The following CDK14 variants were observed in gnomAD, a reference collection of about 807,000 sequenced individuals.
CDK14 encodes cyclin dependent kinase 14.
In CDK14, 34 loss-of-function variants were observed where a neutral mutation model predicts 60.7. That is an observed-to-expected ratio of 0.56 (90% confidence interval 0.43 to 0.75). The LOEUF is 0.75. Ranked by LOEUF, CDK14 falls within the 30% of genes least tolerant of loss-of-function variation. The pLI, the probability that CDK14 is intolerant of heterozygous loss-of-function variation, is 0.00. For missense variants in CDK14, 482 were observed against 564.1 expected (o/e 0.85, Z 1.47); for synonymous variants, 197 against 203.7 (o/e 0.97, Z 0.28).
intron 3 of CDK14, among the ~76,000 whole-genome samples, chr7:90,728,449 C>T (rs550016448): frequency 1.3e-5 from 2 of 151,476 alleles, no homozygotes; most frequent in South Asian, 4.2e-4. Flanking sequence ...TAATTTTTAA[C>T]CCTTCAATTG....
intron 13 of CDK14, among the ~76,000 whole-genome samples, chr7:91,117,576 C>G (rs1490229315): frequency 6.6e-6 from 1 of 152,100 alleles, no homozygotes; most frequent in Non-Finnish European, 1.5e-5. Context: ...TTTCTCTTCT[C>G]TGCTTTATTT....
In CDK14 at chr7:90,989,724, G is replaced by A. The variant is rs865959689; in HGVS notation, c.1041+5483G>A. 2.6e-5 allele frequency among the ~76,000 whole-genome samples: 4 copies of A among 152,128 alleles called. No homozygotes were observed. The Middle Eastern group carries it at 0.01, about 388-fold the overall frequency. ...AATCCAAGGTTTTTGTTTTCTACCC[G>A]CCCTCACCCACTACCCCCAGCAAGC... On this transcript the variant is annotated intron_variant, in intron 10 of 14. Coordinates refer to ENST00000380050, the MANE Select transcript of CDK14 (RefSeq NM_001287135.2).
At chr7:91,055,251 C>T (rs893275583) in intron 11 of CDK14, among the ~76,000 whole-genome samples, 2 of 152,062 alleles carry the variant, frequency 1.3e-5, no homozygotes, top group African/African-American at 4.8e-5. Flanking sequence ...AAAGAAACAA[C>T]CAAAAACCTT....
At chr7:91,034,957 C>T (rs1211790005) in intron 10 of CDK14, among the ~76,000 whole-genome samples, 1 of 151,448 alleles carries the variant, frequency 6.6e-6, no homozygotes, top group African/African-American at 2.4e-5. Flanking sequence ...CACACACACA[C>T]ACACACACAC....
intron 3 of CDK14, among the ~76,000 whole-genome samples, chr7:90,742,791 G>C (rs13243776): frequency 0.15 from 22,748 of 151,716 alleles, 1,805 homozygotes; most frequent in South Asian, 0.18. Context: ...TTAAACCCAT[G>C]TTATTAAACT....
At chr7:90,816,416 A>C (rs1364891903) in intron 5 of CDK14, among the ~76,000 whole-genome samples, 1 of 152,274 alleles carries the variant, frequency 6.6e-6, no homozygotes, top group African/African-American at 2.4e-5. Context: ...TAATCTGGGT[A>C]TTGTTCTGTG....
chr7:90,627,270 T>TG (rs1369941492), intron 2 of CDK14, among the ~76,000 whole-genome samples: 1 of 151,908 alleles, frequency 6.6e-6, no homozygotes, highest in Non-Finnish European at 1.5e-5. Flanking sequence ...GGTGCAGTGG[T>TG]GCAATCATGG....
intron 14 of CDK14, among the ~76,000 whole-genome samples, chr7:91,133,904 G>C (rs1005374953): frequency 2.6e-5 from 4 of 152,096 alleles, no homozygotes; most frequent in African/African-American, 9.7e-5. Flanking sequence ...CATTCCATGA[G>C]TTAACGTTTA....
intron 13 of CDK14, 117 bp downstream of exon 13, chr7:91,112,798 AT>A: frequency 9.5e-7 from 1 of 1,057,474 alleles, no homozygotes; most frequent in Non-Finnish European, 1.4e-6. Flanking sequence ...ACATAAGATA[AT>A]GTATGTTTGT....
chr7:90,828,146 T>C (rs865888150), intron 5 of CDK14, among the ~76,000 whole-genome samples: 8 of 152,252 alleles, frequency 5.3e-5, no homozygotes, highest in Admixed American at 4.6e-4. Context: ...AAAATAATTA[T>C]GTCTGTATTT....
At chr7:91,056,206 G>T (rs1057311413) in intron 11 of CDK14, among the ~76,000 whole-genome samples, 4 of 152,078 alleles carry the variant, frequency 2.6e-5, no homozygotes, top group Admixed American at 1.3e-4. Context: ...GAAGAAGTGG[G>T]ACTTCACTAA....
intron 12 of CDK14, among the ~76,000 whole-genome samples, chr7:91,109,304 T>C (rs1423280050): frequency 6.6e-6 from 1 of 152,182 alleles, no homozygotes; most frequent in Non-Finnish European, 1.5e-5. Flanking sequence ...ACCATATACT[T>C]ACACTGTCTG....
chr7:90,709,008 C>A (rs1584808303), intron 2 of CDK14, among the ~76,000 whole-genome samples: 1 of 152,166 alleles, frequency 6.6e-6, no homozygotes. Context: ...TGACTTGGCA[C>A]AATTTGCCTA....
At position 91,177,664 on chromosome 7, in the gene CDK14, C is replaced by T. The variant is rs1336687603; in HGVS notation, c.*29-29501C>T. Among the ~76,000 whole-genome samples the T allele has an allele frequency of 5.5e-3, 830 of 150,070 alleles. 4 individuals carry two copies. Among genetic ancestry groups the T allele is most frequent in the African/African-American group, 0.019 (761 of 40,780 alleles). On this transcript the variant is annotated intron_variant, in intron 14 of 14. Coordinates refer to ENST00000380050, the MANE Select transcript of CDK14 (RefSeq NM_001287135.2). The stretch of plus-strand genomic sequence containing the variant: ...AATCACAAGCATTCTTATACACCAA[C>T]AACAGACAAACAGAGAGCCAAATCA...
rs150864585 is a variant in CDK14 at position 90,729,792 on chromosome 7, G to A, written c.369+2980G>A. ...ACCTTATCAAACTGGAAATGGCTTC[G>A]TTTTCTCTTTCAGCAGGATGCTATA... On this transcript the variant is annotated intron_variant, in intron 3 of 14. Transcript: ENST00000380050. Among the ~76,000 whole-genome samples, 725 of 151,804 alleles carry A rather than the reference G, an allele frequency of 4.8e-3. 7 individuals are homozygous for A. Among genetic ancestry groups the A allele is most frequent in the African/African-American group, 0.017 (685 of 41,398 alleles).
intron 2 of CDK14, among the ~76,000 whole-genome samples, chr7:90,718,611 G>T (rs905332363): frequency 1.3e-5 from 2 of 152,060 alleles, no homozygotes; most frequent in African/African-American, 2.4e-5. Context: ...GCAAGATCTT[G>T]GTTCTCATAA....
chr7:90,693,771 C>T (rs912336160), intron 2 of CDK14, among the ~76,000 whole-genome samples: 9 of 152,130 alleles, frequency 5.9e-5, no homozygotes, highest in African/African-American at 1.4e-4. Context: ...GTTCATTCAT[C>T]GTAATGATCC....
rs1413167736 is a variant in CDK14 at position 91,058,468 on chromosome 7, C to T, written c.1105+12508C>T. Among the ~76,000 whole-genome samples, 49 of 151,938 alleles carry T rather than the reference C, an allele frequency of 3.2e-4. 1 individual carries two copies. The highest frequency in any genetic ancestry group is 9.7e-4 in the African/African-American group (40 of 41,316). On this transcript the variant is annotated intron_variant, in intron 11 of 14. Transcript: ENST00000380050. ...GTTGAATAGGAGTGGTGAGAGAGGGCATCCCTGTCTTGTGCCAGTTTTCAA... is the reference window on the plus strand; with the variant it reads ...GTTGAATAGGAGTGGTGAGAGAGGGTATCCCTGTCTTGTGCCAGTTTTCAA...
At chr7:91,079,391 T>C in intron 11 of CDK14, 41 bp from the exon 12 acceptor site, 1 of 1,351,980 alleles carries the variant, frequency 7.4e-7, no homozygotes. Context: ...ATATATACAT[T>C]TGATACAAAG....
Sources: gnomAD v4.1 joint callset for allele counts (sites outside exome capture counted in the v4.1 genomes callset) on GRCh38, gnomAD v4.1.1 for gene constraint, MANE v1.5 for transcripts, NCBI Gene and HGNC (gene_info 2026-07-23, HGNC 2026-07-21) for gene names.